Variants in COL15A1 observed in about 807,000 individuals in gnomAD.
The protein encoded by COL15A1 is collagen alpha-1(XV) chain.
A neutral mutation model predicts 165.9 loss-of-function variants in COL15A1; 111 were observed. That is an observed-to-expected ratio of 0.67 (90% CI 0.57 to 0.78). The LOEUF (loss-of-function observed/expected upper bound fraction) is 0.78, where lower values mean the gene tolerates loss of function less well. COL15A1 is among the 30% of genes least tolerant of loss of function. The probability of loss-of-function intolerance (pLI) is 0.00; values close to 1 mark genes in which losing one functional copy is unlikely to be tolerated. For missense variants in COL15A1, 1,745 were observed against 1,789.7 expected, an observed-to-expected ratio of 0.98 and a Z score of 0.45; for synonymous variants, 659 against 674.8, an observed-to-expected ratio of 0.98 and a Z score of 0.36.
Position 99,020,432 on chromosome 9 carries a change from A to G in COL15A1, c.1691A>G (p.Lys564Arg), listed in dbSNP as rs192641137. The change falls in exon 12 of 42, where the codon AAA becomes AGA. Residue 564 changes from lysine (K) to arginine (R), a missense_variant. Lys to Arg is a conservative substitution (Grantham distance 26). Coordinates refer to ENST00000375001, the MANE Select transcript of COL15A1 (RefSeq NM_001855.5). ...HVGMKGQAGP[K>R]GEKGDAGEEL... ...GGAATGAAAGGACAGGCTGGGCCCA[A>G]AGGAGAAAAGGTTTGTGCTGTGACC... 1 of 1,612,040 alleles carries G rather than the reference A, an allele frequency of 6.2e-7. No individual in the cohort carries two copies. The highest frequency in any genetic ancestry group is 1.3e-5 in the African/African-American group (1 of 74,898).
chr9:99,050,157 G>T (rs866196228), intron 30 of COL15A1, among the ~76,000 whole-genome samples: 7 of 152,234 alleles, frequency 4.6e-5, no homozygotes, highest in Admixed American at 1.3e-4. Flanking sequence ...TTGTTATTGC[G>T]ACCACATTAG....
At chr9:98,967,414 C>T (rs1045884395) in intron 2 of COL15A1, among the ~76,000 whole-genome samples, 2 of 152,140 alleles carry the variant, frequency 1.3e-5, no homozygotes, top group Non-Finnish European at 2.9e-5. Context: ...GGCTGGAGTG[C>T]CCAAGCCTCT....
In COL15A1 at chr9:99,052,381, T is replaced by C. The variant is rs1245948554; in HGVS notation, c.2905-7T>C. The C allele has an allele frequency of 6.2e-7, 1 of 1,610,538 alleles. No homozygotes were observed. The highest frequency in any genetic ancestry group is 1.1e-5 in the South Asian group (1 of 90,996). On this transcript the variant is annotated splice_polypyrimidine_tract_variant and splice_region_variant and intron_variant, in intron 30 of 41. Coordinates refer to ENST00000375001, the MANE Select transcript of COL15A1 (RefSeq NM_001855.5). Reference sequence around the variant, plus strand: ...CAGTGCCTAACCTGGCCTTCCTCTCTTTCCAGGTTGATACTGCTCATCCTG... The same window carrying C: ...CAGTGCCTAACCTGGCCTTCCTCTCCTTCCAGGTTGATACTGCTCATCCTG...
At chr9:99,016,166 G>A in intron 11 of COL15A1, 47 bp downstream of exon 11, 1 of 1,535,558 alleles carries the variant, frequency 6.5e-7, no homozygotes, top group African/African-American at 1.4e-5. Flanking sequence ...ACCTTACAGG[G>A]GAGAGAAAGA....
At chr9:99,039,367 G>T (rs572850562) in intron 22 of COL15A1, among the ~76,000 whole-genome samples, 1 of 152,232 alleles carries the variant, frequency 6.6e-6, no homozygotes, top group South Asian at 2.1e-4. Context: ...AAATTAGCTG[G>T]GCATGGTGGC....
intron 39 of COL15A1, among the ~76,000 whole-genome samples, chr9:99,064,222 C>T (rs902596468): frequency 2.6e-5 from 4 of 152,184 alleles, no homozygotes; most frequent in Non-Finnish European, 4.4e-5. Context: ...CCCAGTACTA[C>T]TGACTCAGTT....
chr9:98,949,339 T>C (rs1008422551), intron 2 of COL15A1, among the ~76,000 whole-genome samples: 1 of 152,266 alleles, frequency 6.6e-6, no homozygotes, highest in Non-Finnish European at 1.5e-5. Flanking sequence ...AGTGTCGCTC[T>C]GAACATTCTT....
chr9:99,013,586 A>G (rs924559076), intron 9 of COL15A1, among the ~76,000 whole-genome samples: 19 of 151,660 alleles, frequency 1.3e-4, no homozygotes, highest in Non-Finnish European at 2.2e-4. Context: ...CACTTCCTGT[A>G]AATTGTCCTC....
chr9:98,974,055 T>C (rs976572199), intron 2 of COL15A1, among the ~76,000 whole-genome samples: 8 of 151,924 alleles, frequency 5.3e-5, no homozygotes, highest in Non-Finnish European at 7.4e-5. Context: ...ATCTGAGAGG[T>C]CAGGATGTAG....
At chr9:98,992,835 C>T (rs1272618503) in intron 5 of COL15A1, among the ~76,000 whole-genome samples, 1 of 152,188 alleles carries the variant, frequency 6.6e-6, no homozygotes, top group Non-Finnish European at 1.5e-5. Context: ...TGGACCCTCC[C>T]CAGGACCATG....
Position 99,067,003 on chromosome 9 carries a change from T to C in COL15A1, c.3773T>C (p.Leu1258Ser). Residue 1258 changes from leucine to serine, a missense_variant, in exon 40 of 42, where the codon TTG (leucine) becomes TCG (serine). Physicochemically the swap from Leu to Ser is moderately radical, Grantham distance 145. Coordinates refer to ENST00000375001, the MANE Select transcript of COL15A1 (RefSeq NM_001855.5). ...TACCGAGCATTCTTATCTTCCCATT[T>C]GCAAGATCTGTCCACCATTGTGAGG... ...STYRAFLSSH[L>S]QDLSTIVRKA... 1 of 1,614,210 alleles carries C rather than the reference T, an allele frequency of 6.2e-7. No individual in the cohort carries two copies. Among genetic ancestry groups the C allele is most frequent in the South Asian group, 1.1e-5 (1 of 91,090 alleles).
chr9:99,068,758 T>A, intron 41 of COL15A1, 88 bp downstream of exon 41: 1 of 777,130 alleles, frequency 1.3e-6, no homozygotes, highest in Non-Finnish European at 2.1e-6. Flanking sequence ...CAGCTGCTTC[T>A]CTAGGATATT....
chr9:99,035,496 C>T lies in COL15A1; in HGVS notation c.2289+78C>T, dbSNP rs562392749. The T allele has an allele frequency of 1.4e-5, 22 of 1,576,920 alleles. No homozygotes were observed. The East Asian group carries it at 3.1e-4, about 22-fold the overall frequency. On this transcript the variant is annotated intron_variant, in intron 19 of 41. Transcript: ENST00000375001. ...AGTGAGGAAGCTGTGGGCTGCATCC[C>T]GGCTCTGCCACTTTCAATAACTCAC...
In COL15A1 at chr9:99,049,719, C is replaced by A. The variant is rs141775032; in HGVS notation, c.2823C>A (p.Gly941=). 1.9e-6 allele frequency: 3 copies of A among 1,613,776 alleles called. No homozygotes were observed. Among genetic ancestry groups the A allele is most frequent in the Non-Finnish European group, 2.5e-6 (3 of 1,180,006 alleles). ...QGPPGLPGPP[G]PPGPPGAVIN... ...CACCTGGCTTACCTGGCCCTCCAGGCCCCCCTGGGCCACCTGGAGCTGTGA... is the reference window on the plus strand; with the variant it reads ...CACCTGGCTTACCTGGCCCTCCAGGACCCCCTGGGCCACCTGGAGCTGTGA... Residue 941 remains glycine, a synonymous_variant, in exon 29 of 42, where the codon GGC becomes GGA. Coordinates refer to ENST00000375001, the MANE Select transcript of COL15A1 (RefSeq NM_001855.5).
At chr9:99,006,087 G>C (rs1214077560) in intron 9 of COL15A1, among the ~76,000 whole-genome samples, 1 of 152,076 alleles carries the variant, frequency 6.6e-6, no homozygotes, top group East Asian at 1.9e-4. Context: ...TCTTCTCTCT[G>C]CTGAGAACCT....
intron 2 of COL15A1, among the ~76,000 whole-genome samples, chr9:98,959,949 CTGG>C (rs1256445888): frequency 6.6e-6 from 1 of 152,238 alleles, no homozygotes; most frequent in Admixed American, 6.5e-5. Flanking sequence ...GAACTGCTTG[CTGG>C]TCTCTGAATT....
intron 2 of COL15A1, among the ~76,000 whole-genome samples, chr9:98,979,579 G>A (rs546533815): frequency 6.6e-6 from 1 of 152,162 alleles, no homozygotes; most frequent in Middle Eastern, 3.4e-3. Flanking sequence ...GTTTGTTGCT[G>A]TGATTTTTGT....
At chr9:99,018,056 T>C (rs1838967207) in intron 11 of COL15A1, among the ~76,000 whole-genome samples, 3 of 152,194 alleles carry the variant, frequency 2.0e-5, no homozygotes, top group Non-Finnish European at 4.4e-5. Context: ...GGTAAATAAT[T>C]CAATGTGTAT....
intron 21 of COL15A1, 105 bp downstream of exon 21, chr9:99,036,501 G>T: frequency 6.0e-6 from 7 of 1,166,276 alleles, no homozygotes; most frequent in South Asian, 1.4e-5. Flanking sequence ...CAGGAGGCAT[G>T]TAGCCAGTGC....
Sources: allele counts gnomAD v4.1 joint callset (sites outside exome capture counted in the v4.1 genomes callset), GRCh38; gene constraint gnomAD v4.1.1; transcripts MANE v1.5; gene names NCBI Gene and HGNC (gene_info 2026-07-23, HGNC 2026-07-21).